The following CEP97 variants were observed in gnomAD, a reference collection of about 807,000 sequenced individuals.
CEP97 encodes centrosomal protein of 97 kDa.
Under a neutral mutation model 73.1 loss-of-function variants are expected in CEP97, and 43 were observed. The observed-to-expected ratio is 0.59, with a 90% CI of 0.46 to 0.76. The LOEUF is 0.76. CEP97 is among the 30% of genes least tolerant of loss of function. The pLI is 0.00. For missense variants in CEP97, 939 were observed against 1,014.0 expected (o/e 0.93, Z 1.00); for synonymous variants, 337 against 370.0 (o/e 0.91, Z 1.02).
At chr3:101,731,731 T>A in intron 4 of CEP97, 109 bp from the exon 5 acceptor site, 1 of 652,056 alleles carries the variant, frequency 1.5e-6, no homozygotes, top group Middle Eastern at 2.6e-4. Flanking sequence ...ATGAGAAATA[T>A]AATAAAGTAG....
intron 1 of CEP97, among the ~76,000 whole-genome samples, chr3:101,725,158 T>G (rs1220692214): frequency 6.6e-6 from 1 of 152,228 alleles, no homozygotes; most frequent in Non-Finnish European, 1.5e-5. Flanking sequence ...CGCTGCCTAG[T>G]CTGGCTTTGA....
At chr3:101,755,680 A>G (rs1938985406) in intron 7 of CEP97, 86 bp downstream of exon 7, 13 of 1,345,738 alleles carry the variant, frequency 9.7e-6, no homozygotes, top group Non-Finnish European at 1.4e-5. Context: ...AGCCTGAGGC[A>G]AGTGCTGCGG....
chr3:101,757,485 T>G, intron 8 of CEP97, 149 bp from the exon 9 acceptor site: 2 of 740,640 alleles, frequency 2.7e-6, no homozygotes, highest in Non-Finnish European at 2.1e-6. Flanking sequence ...CTTAAAAATG[T>G]TTGGTTTGAT....
chr3:101,739,668 G>A (rs1938385176), intron 6 of CEP97, among the ~76,000 whole-genome samples: 1 of 152,144 alleles, frequency 6.6e-6, no homozygotes, highest in Admixed American at 6.5e-5. Context: ...AGCACTTTGG[G>A]AGGCCGAGGT....
chr3:101,764,650 C>A lies in CEP97; in HGVS notation c.1894-197C>A, dbSNP rs1223034384. Among the ~76,000 whole-genome samples the A allele has an allele frequency of 2.0e-5, 3 of 150,178 alleles. No individual in the cohort carries two copies. In the South Asian group the frequency reaches 6.3e-4, roughly 31 times the overall value. On this transcript the variant is annotated intron_variant, in intron 10 of 10. Transcript: ENST00000341893. ...AAAATTAGGCAGACATGGTGGTGGG[C>A]ACCTGGAGTCCTAGCTGGTTAGGAG...
intron 3 of CEP97, among the ~76,000 whole-genome samples, chr3:101,727,967 G>A (rs1346477792): frequency 1.3e-5 from 2 of 152,108 alleles, no homozygotes; most frequent in Non-Finnish European, 2.9e-5. Flanking sequence ...CTAGCTGAGA[G>A]GACTAGATTA....
chr3:101,755,645 C>A, intron 7 of CEP97, 51 bp downstream of exon 7: 1 of 1,571,396 alleles, frequency 6.4e-7, no homozygotes, highest in Non-Finnish European at 8.7e-7. Context: ...TAAAATACCT[C>A]TGAGTCTTTG....
intron 6 of CEP97, among the ~76,000 whole-genome samples, chr3:101,753,296 C>G (rs961891163): frequency 3.3e-5 from 5 of 152,176 alleles, no homozygotes; most frequent in Non-Finnish European, 5.9e-5. Context: ...AGGTGTCAGT[C>G]TGCCCCTACT....
chr3:101,768,288 C>G lies in CEP97; in HGVS notation c.*2737C>G, dbSNP rs1939367558. 6.6e-6 allele frequency: 1 copy of G among 152,120 alleles called. No individual in the cohort carries two copies. The highest frequency in any genetic ancestry group is 2.4e-5 in the African/African-American group (1 of 41,420). 9.4% of individuals were successfully genotyped at this position (152,120 alleles called of 1,614,324 possible). ...AGTTAGTAGTAAATAAACTGAAAACCTATATGCTACTGTAGTCCAAAATTT... is the reference window on the plus strand; with the variant it reads ...AGTTAGTAGTAAATAAACTGAAAACGTATATGCTACTGTAGTCCAAAATTT... On this transcript the variant is annotated 3_prime_UTR_variant, in exon 11 of 11. Coordinates refer to ENST00000341893, the MANE Select transcript of CEP97 (RefSeq NM_024548.4).
chr3:101,735,901 C>T (rs73159271), intron 6 of CEP97, among the ~76,000 whole-genome samples: 1 of 152,282 alleles, frequency 6.6e-6, no homozygotes, highest in Non-Finnish European at 1.5e-5. Flanking sequence ...TGGTCTAGCG[C>T]AGAGGATCCC....
chr3:101,755,526 C>T lies in CEP97; in HGVS notation c.825C>T (p.Pro275=). 1 of 1,613,510 alleles carries T rather than the reference C, an allele frequency of 6.2e-7. No individual in the cohort carries two copies. The change falls in exon 7 of 11, where the codon CCC becomes CCT. Residue 275 remains proline (P), a synonymous_variant. Coordinates refer to ENST00000341893, the MANE Select transcript of CEP97 (RefSeq NM_024548.4). Reference sequence around the variant, plus strand: ...TCCAATATCTGGCTACAGTCTGCCCCCTCACTTCTACACTAGGTCTTCAAA... The same window carrying T: ...TCCAATATCTGGCTACAGTCTGCCCTCTCACTTCTACACTAGGTCTTCAAA... ...QLVQYLATVC[P]LTSTLGLQTA...
Position 101,760,719 on chromosome 3 carries a change from T to A in CEP97, c.1818-1766T>A, listed in dbSNP as rs568367777. ...ACCATGCCCAGCTAATTAAAAAAAA[T>A]TTTTTTAAAGAGATGAAGTCTATGT... is the stretch of plus-strand genomic sequence containing the variant. On this transcript the variant is annotated intron_variant, in intron 9 of 10. Transcript: ENST00000341893. 1.8e-3 allele frequency among the ~76,000 whole-genome samples: 278 copies of A among 152,032 alleles called. 3 individuals are homozygous for A. Among genetic ancestry groups the A allele is most frequent in the African/African-American group, 6.4e-3 (265 of 41,472 alleles).
At chr3:101,737,185 G>T (rs1289624139) in intron 6 of CEP97, among the ~76,000 whole-genome samples, 1 of 152,176 alleles carries the variant, frequency 6.6e-6, no homozygotes, top group Non-Finnish European at 1.5e-5. Flanking sequence ...AGAAATATGG[G>T]ATTATGTGAA....
At chr3:101,730,443 T>C (rs1938071894) in intron 4 of CEP97, among the ~76,000 whole-genome samples, 1 of 151,822 alleles carries the variant, frequency 6.6e-6, no homozygotes, top group Non-Finnish European at 1.5e-5. Flanking sequence ...TTTTTGTATT[T>C]TTAGTAGAGA....
intron 6 of CEP97, among the ~76,000 whole-genome samples, chr3:101,744,202 C>T (rs1938541606): frequency 6.6e-6 from 1 of 151,940 alleles, no homozygotes. Flanking sequence ...ACTTAGGTCT[C>T]CCAAAAGACA....
chr3:101,733,216 TA>T (rs2107137452), intron 6 of CEP97, among the ~76,000 whole-genome samples: 1 of 152,338 alleles, frequency 6.6e-6, no homozygotes, highest in African/African-American at 2.4e-5. Context: ...GTTCTTTTGT[TA>T]ATCAGTTGTT....
At chr3:101,763,955 G>C (rs1426054043) in intron 10 of CEP97, among the ~76,000 whole-genome samples, 1 of 151,970 alleles carries the variant, frequency 6.6e-6, no homozygotes, top group African/African-American at 2.4e-5. Flanking sequence ...GTACTGTTGT[G>C]CTTCTTGCTG....
rs72935875 is a variant in CEP97, at chr3:101,728,070, C to T, written c.345+529C>T. 3.3e-3 allele frequency among the ~76,000 whole-genome samples: 495 copies of T among 152,120 alleles called. 2 individuals are homozygous for T. The highest frequency in any genetic ancestry group is 0.011 in the African/African-American group (458 of 41,484). On this transcript the variant is annotated intron_variant, in intron 3 of 10. Coordinates refer to ENST00000341893, the MANE Select transcript of CEP97 (RefSeq NM_024548.4). ...ACTTATTCAATCTCATGGTAGCCTG[C>T]GAAGTAGATATAGACATTATGCGTG...
chr3:101,734,719 TGTGACTA>T (rs969665071), intron 6 of CEP97, among the ~76,000 whole-genome samples: 110 of 152,336 alleles, frequency 7.2e-4, no homozygotes, highest in African/African-American at 2.5e-3. Flanking sequence ...TGTTTCAAAC[TGTGACTA>T]GTTCTAGATT....
Sources: allele counts gnomAD v4.1 joint callset (sites outside exome capture counted in the v4.1 genomes callset), GRCh38; gene constraint gnomAD v4.1.1; transcripts MANE v1.5; gene names NCBI Gene and HGNC (gene_info 2026-07-23, HGNC 2026-07-21).